GMCL1: variants seen among roughly 807,000 people sequenced by gnomAD.
GMCL1 encodes germ cell-less protein-like 1.
GMCL1 carries 54 observed loss-of-function variants against 75.5 expected under a neutral mutation model. The observed-to-expected ratio is 0.71, with a 90% confidence interval of 0.57 to 0.90. GMCL1 has a LOEUF of 0.90. Among genes scored for constraint, GMCL1 ranks in the 40% least tolerant of loss-of-function variants. The probability of loss-of-function intolerance (pLI) is 0.00; values close to 1 mark genes in which losing one functional copy is unlikely to be tolerated. For synonymous variants in GMCL1, 210 were observed against 209.6 expected (o/e 1.00, Z -0.02); for missense variants, 537 against 622.7 (o/e 0.86, Z 1.47).
At chr2:69,850,903 A>G (rs764547501) in intron 8 of GMCL1, among the ~76,000 whole-genome samples, 36 of 152,292 alleles carry the variant, frequency 2.4e-4, no homozygotes, top group Middle Eastern at 3.4e-3. Flanking sequence ...ACTATGTCAC[A>G]TTGTGGCCTT....
intron 1 of GMCL1, 49 bp from the exon 2 acceptor site, chr2:69,837,498 A>C: frequency 7.5e-7 from 1 of 1,328,102 alleles, no homozygotes; most frequent in Non-Finnish European, 1.0e-6. Context: ...AAAATCAGTA[A>C]AACATTCAGT....
Position 69,879,891 on chromosome 2 carries a change from A to G in GMCL1, c.*887A>G, listed in dbSNP as rs1676232745. 6.6e-6 allele frequency: 1 copy of G among 152,184 alleles called. No individual in the cohort carries two copies. Among genetic ancestry groups the G allele is most frequent in the Non-Finnish European group, 1.5e-5 (1 of 68,014 alleles). The allele number at this position is 152,184 out of a possible 1,614,324, so 9.4% of individuals were successfully genotyped here. ...TTAGAATTATTTATGTTCAAATTTT[A>G]GTTGGGAACTTTGTTTCCTACTTAA... On this transcript the variant is annotated 3_prime_UTR_variant, in exon 14 of 14. Transcript: ENST00000282570.
intron 11 of GMCL1, among the ~76,000 whole-genome samples, chr2:69,866,201 T>C (rs1158752332): frequency 2.6e-5 from 4 of 151,396 alleles, no homozygotes; most frequent in Non-Finnish European, 5.9e-5. Context: ...TGAGTCAAGA[T>C]TGTGACACTG....
At chr2:69,866,996 G>A (rs1036862110) in intron 11 of GMCL1, among the ~76,000 whole-genome samples, 1 of 151,528 alleles carries the variant, frequency 6.6e-6, no homozygotes, top group African/African-American at 2.4e-5. Context: ...CCAGGCTGGA[G>A]TGTAGTGGCA....
At position 69,854,905 on chromosome 2, in the gene GMCL1, T is replaced by A; in HGVS notation, c.1017T>A (p.Ile339=). The part of the protein sequence containing the change: ...SVFRHLRLQY[I]ISDLASARII... ...TCAGACATTTAAGGTTACAATATAT[T>A]ATCAGTGATCTGGCTTCTGCAAGAA... Residue 339 remains isoleucine, a synonymous_variant, in exon 9 of 14, where the codon ATT becomes ATA. Transcript: ENST00000282570. The A allele has an allele frequency of 6.2e-7, 1 of 1,610,788 alleles. No individual in the cohort carries two copies. The highest frequency in any genetic ancestry group is 8.5e-7 in the Non-Finnish European group (1 of 1,177,798).
chr2:69,860,824 CGTTT>C (rs1469696539), intron 9 of GMCL1, among the ~76,000 whole-genome samples: 5 of 152,044 alleles, frequency 3.3e-5, no homozygotes, highest in South Asian at 2.1e-4. Context: ...CTACCAGTTT[CGTTT>C]GTTTGTTTGT....
At chr2:69,866,210 T>C (rs1271514090) in intron 11 of GMCL1, among the ~76,000 whole-genome samples, 2 of 150,728 alleles carry the variant, frequency 1.3e-5, no homozygotes, top group Non-Finnish European at 2.9e-5. Context: ...ATTGTGACAC[T>C]GCACTTCAGC....
At chr2:69,841,740 T>C (rs1239356621) in intron 4 of GMCL1, among the ~76,000 whole-genome samples, 1 of 152,180 alleles carries the variant, frequency 6.6e-6, no homozygotes, top group Non-Finnish European at 1.5e-5. Flanking sequence ...TTCATCCTGG[T>C]GGTGTCACAT....
intron 8 of GMCL1, among the ~76,000 whole-genome samples, chr2:69,850,389 CAT>C (rs1675282591): frequency 6.6e-6 from 1 of 152,164 alleles, no homozygotes; most frequent in Admixed American, 6.5e-5. Context: ...TTTGCTAAAA[CAT>C]ATCTAGAAAA....
At chr2:69,870,579 G>A (rs1675955265) in intron 12 of GMCL1, among the ~76,000 whole-genome samples, 1 of 152,062 alleles carries the variant, frequency 6.6e-6, no homozygotes, top group Non-Finnish European at 1.5e-5. Flanking sequence ...GGCAACCCAT[G>A]GAATGAGAGC....
chr2:69,881,335 A>T lies in GMCL1; in HGVS notation c.*2331A>T, dbSNP rs544947968. The T allele has an allele frequency of 6.6e-6, 1 of 152,370 alleles. No homozygotes were observed. Among genetic ancestry groups the T allele is most frequent in the African/African-American group, 2.4e-5 (1 of 41,596 alleles). The allele number at this position is 152,370 out of a possible 1,614,324, so 9.4% of individuals were successfully genotyped here. A position where few individuals can be genotyped will look rare whatever the true frequency, so the allele number is the denominator to read the frequency against. Reference sequence around the variant, plus strand: ...GTTTCCAGAGTTCTTTTCAATAGAAATATTTTCAATAAAGTGTTAATAGTG... The same window carrying T: ...GTTTCCAGAGTTCTTTTCAATAGAATTATTTTCAATAAAGTGTTAATAGTG... On this transcript the variant is annotated 3_prime_UTR_variant, in exon 14 of 14. Coordinates refer to ENST00000282570, the MANE Select transcript of GMCL1 (RefSeq NM_178439.5).
chr2:69,829,996 G>C lies in GMCL1; in HGVS notation c.104G>C (p.Gly35Ala). The C allele has an allele frequency of 6.3e-7, 1 of 1,578,566 alleles. No homozygotes were observed. The highest frequency in any genetic ancestry group is 2.3e-5 in the East Asian group (1 of 42,866). The change falls in exon 1 of 14, where the codon GGA becomes GCA. Residue 35 changes from glycine to alanine, a missense_variant. By Grantham distance (60) the Gly-to-Ala change is moderately conservative. Around this residue, in one of 3 missense-constraint regions of GMCL1, gnomAD observed 144 missense variants for 127.2 expected, o/e 1.13. Coordinates refer to ENST00000282570, the MANE Select transcript of GMCL1 (RefSeq NM_178439.5). ...GGCTCGGCCCGGAGGCCGGACACTG[G>C]AGACGATGCGGCGGGCCACGGATTC... ...AGGSARRPDT[G>A]DDAAGHGFCY... is the part of the protein sequence containing the mutation.
chr2:69,864,590 CTT>C (rs534389389), intron 10 of GMCL1, among the ~76,000 whole-genome samples: 23,991 of 88,228 alleles, frequency 0.27, 2,010 homozygotes, highest in African/African-American at 0.38. Flanking sequence ...TAGACTTTTA[CTT>C]TTTTTTTTTT....
intron 6 of GMCL1, chr2:69,844,776 G>A (rs541805693): frequency 1.4e-5 from 4 of 276,034 alleles, no homozygotes; most frequent in East Asian, 9.6e-5. Flanking sequence ...CTGTGATTGC[G>A]ACACTGCTCT....
rs570321142 is a variant in GMCL1 at position 69,832,722 on chromosome 2, G to C, written c.260+2570G>C. 1.2e-4 allele frequency among the ~76,000 whole-genome samples: 18 copies of C among 152,292 alleles called. No homozygotes were observed. The South Asian group carries it at 2.3e-3, about 19-fold the overall frequency. ...ACAGGACAATCTAACCTTTCAATTAGTAGTTAGACCACTTATATTTAACGT... is the reference window on the plus strand; with the variant it reads ...ACAGGACAATCTAACCTTTCAATTACTAGTTAGACCACTTATATTTAACGT... On this transcript the variant is annotated intron_variant, in intron 1 of 13. Transcript: ENST00000282570.
chr2:69,830,032 C>A lies in GMCL1; in HGVS notation c.140C>A (p.Ala47Glu). The change falls in exon 1 of 14, where the codon GCG becomes GAG. Residue 47 changes from alanine (A) to glutamate (E), a missense_variant. By Grantham distance (107) the Ala-to-Glu change is moderately radical. This residue lies in a region of GMCL1 where 144 missense variants were observed against 127.2 expected (regional missense o/e 1.13). Transcript: ENST00000282570. ...GCGGGCCACGGATTCTGTTACTGTG[C>A]GGGCAGCCACAAGCGCAAGCGGAGC... ...DAAGHGFCYC[A>E]GSHKRKRSSG... is the part of the protein sequence containing the mutation. The A allele has an allele frequency of 1.9e-6, 3 of 1,563,784 alleles. 1 individual carries two copies. Among genetic ancestry groups the A allele is most frequent in the Middle Eastern group, 3.3e-4 (2 of 6,012 alleles).
At chr2:69,871,857 GTCA>G in intron 13 of GMCL1, 25 bp downstream of exon 13, 1 of 1,318,236 alleles carries the variant, frequency 7.6e-7, no homozygotes, top group Non-Finnish European at 1.1e-6. Context: ...CTTCTGGTAT[GTCA>G]TCATAATATT....
At chr2:69,835,148 A>G (rs1573339365) in intron 1 of GMCL1, among the ~76,000 whole-genome samples, 1 of 152,106 alleles carries the variant, frequency 6.6e-6, no homozygotes, top group Non-Finnish European at 1.5e-5. Context: ...TTAAAACACC[A>G]TACATCAGTT....
chr2:69,849,934 C>G (rs762901018), intron 8 of GMCL1, among the ~76,000 whole-genome samples, 192 bp downstream of exon 8: 1 of 152,158 alleles, frequency 6.6e-6, no homozygotes, highest in Non-Finnish European at 1.5e-5. Flanking sequence ...GTGAGAAAAT[C>G]AAGGCTAGAT....
Sources: gnomAD v4.1 joint callset for allele counts (sites outside exome capture counted in the v4.1 genomes callset) on GRCh38, gnomAD v4.1.1 for gene constraint, gnomAD v4.1.1 regional missense constraint, MANE v1.5 for transcripts, NCBI Gene and HGNC (gene_info 2026-07-23, HGNC 2026-07-21) for gene names.